KRCC1: variants seen among roughly 807,000 people sequenced by gnomAD.
KRCC1 encodes the protein lysine rich coiled-coil 1.
In KRCC1, 3 loss-of-function variants were observed where a neutral mutation model predicts 7.4. The observed-to-expected ratio is 0.40, with a 90% CI of 0.18 to 1.04. KRCC1 has a LOEUF of 1.04. Among genes scored for constraint, KRCC1 ranks in the 50% least tolerant of loss-of-function variants. The pLI is 0.33. For missense variants in KRCC1, 277 were observed against 300.9 expected, an observed-to-expected ratio of 0.92 and a Z score of 0.59; for synonymous variants, 102 against 101.6, an observed-to-expected ratio of 1.00 and a Z score of -0.02.
At chr2:88,047,064 CAT>C (rs920087811) in intron 1 of KRCC1, among the ~76,000 whole-genome samples, 44 of 152,262 alleles carry the variant, frequency 2.9e-4, no homozygotes, top group African/African-American at 6.3e-4. Context: ...ATATGAAACA[CAT>C]GACTCATAAT....
intron 1 of KRCC1, among the ~76,000 whole-genome samples, chr2:88,052,422 T>G (rs1353914828): frequency 6.6e-6 from 1 of 152,226 alleles, no homozygotes; most frequent in Non-Finnish European, 1.5e-5. Flanking sequence ...TGAAACTTCC[T>G]CAATAAATGA....
At chr2:88,041,470 C>CA (rs1457792864) in intron 1 of KRCC1, among the ~76,000 whole-genome samples, 2 of 152,202 alleles carry the variant, frequency 1.3e-5, no homozygotes, top group Non-Finnish European at 2.9e-5. Flanking sequence ...CTCTCCTTTC[C>CA]TGTTCCATTC....
chr2:88,033,332 T>C (rs975112088), intron 3 of KRCC1, among the ~76,000 whole-genome samples: 2 of 152,210 alleles, frequency 1.3e-5, no homozygotes, highest in Non-Finnish European at 2.9e-5. Context: ...GAGATCAGCC[T>C]GGCCAACATG....
At chr2:88,050,093 G>C (rs1389685392) in intron 1 of KRCC1, among the ~76,000 whole-genome samples, 1 of 152,110 alleles carries the variant, frequency 6.6e-6, no homozygotes, top group Non-Finnish European at 1.5e-5. Flanking sequence ...TATACCCTTA[G>C]TACCAAGTAT....
At chr2:88,053,082 A>G (rs1258141157) in intron 1 of KRCC1, among the ~76,000 whole-genome samples, 1 of 151,618 alleles carries the variant, frequency 6.6e-6, no homozygotes, top group African/African-American at 2.4e-5. Context: ...CAATGATGAC[A>G]ACCTAAAATA....
intron 1 of KRCC1, among the ~76,000 whole-genome samples, chr2:88,052,247 T>G (rs949944381): frequency 2.0e-5 from 3 of 152,256 alleles, no homozygotes; most frequent in African/African-American, 4.8e-5. Context: ...TAATTCACCA[T>G]GCTATGTATT....
intron 1 of KRCC1, among the ~76,000 whole-genome samples, chr2:88,037,667 C>T (rs532882045): frequency 4.1e-4 from 63 of 152,296 alleles, no homozygotes; most frequent in African/African-American, 1.5e-3. Context: ...CCTTGGCCTC[C>T]CAAAGTTCTG....
At chr2:88,042,222 G>A (rs1010302865) in intron 1 of KRCC1, among the ~76,000 whole-genome samples, 10 of 151,770 alleles carry the variant, frequency 6.6e-5, no homozygotes, top group Non-Finnish European at 1.2e-4. Context: ...CACCACACCC[G>A]GCTAATTTTT....
intron 2 of KRCC1, 148 bp downstream of exon 2, chr2:88,036,794 GT>G (rs773301618): frequency 1.4e-4 from 21 of 152,178 alleles, no homozygotes; most frequent in Non-Finnish European, 2.2e-4. Flanking sequence ...TTCCCCAAAT[GT>G]AAGTCAGGAA....
intron 1 of KRCC1, among the ~76,000 whole-genome samples, chr2:88,041,113 G>A (rs183041881): frequency 3.3e-5 from 5 of 152,268 alleles, no homozygotes; most frequent in Non-Finnish European, 5.9e-5. Flanking sequence ...GGTAGCTGTT[G>A]CAGGCAAGAG....
At chr2:88,036,262 T>G (rs1223912369) in intron 2 of KRCC1, among the ~76,000 whole-genome samples, 1 of 152,166 alleles carries the variant, frequency 6.6e-6, no homozygotes, top group Non-Finnish European at 1.5e-5. Flanking sequence ...GGAAAAGCCA[T>G]TGTAATGTAG....
rs181540757 is a variant in KRCC1 at position 88,052,321 on chromosome 2, C to T, written c.-291+3305G>A. Among the ~76,000 whole-genome samples, 18 of 152,252 alleles carry T rather than the reference C, an allele frequency of 1.2e-4. No homozygotes were observed. In the East Asian group the frequency reaches 3.3e-3, roughly 28 times the overall value. The stretch of plus-strand genomic sequence containing the variant: ...GCAGAGACTGAGAGTTCTAATTTGT[C>T]TTATGCATTTTTTGCAAATTTGACT... On this transcript the variant is annotated intron_variant, in intron 1 of 3. Coordinates refer to ENST00000347055, the MANE Select transcript of KRCC1 (RefSeq NM_016618.3).
At chr2:88,030,113 G>A (rs926487304) in intron 3 of KRCC1, among the ~76,000 whole-genome samples, 1 of 150,800 alleles carries the variant, frequency 6.6e-6, no homozygotes, top group Admixed American at 6.6e-5. Context: ...CTCCCAAAGT[G>A]CTGGGATTAC....
chr2:88,051,774 A>G (rs1673493017), intron 1 of KRCC1, among the ~76,000 whole-genome samples: 1 of 152,222 alleles, frequency 6.6e-6, no homozygotes, highest in African/African-American at 2.4e-5. Context: ...TGCTTTATGA[A>G]TTACAATTTT....
intron 3 of KRCC1, among the ~76,000 whole-genome samples, chr2:88,030,723 A>G (rs535276326): frequency 1.9e-4 from 29 of 152,324 alleles, no homozygotes; most frequent in Middle Eastern, 3.4e-3. Flanking sequence ...CACTTGAAAA[A>G]CAGTTTGGCA....
intron 1 of KRCC1, among the ~76,000 whole-genome samples, chr2:88,040,896 A>G (rs1176354314): frequency 6.6e-6 from 1 of 152,236 alleles, no homozygotes; most frequent in Admixed American, 6.5e-5. Flanking sequence ...AGAAAAAAAC[A>G]TGAGTAAAGA....
rs1054979790 is a variant in KRCC1 at position 88,034,307 on chromosome 2, A to G, written c.-181-15T>C. On this transcript the variant is annotated splice_polypyrimidine_tract_variant and intron_variant, in intron 2 of 3. Coordinates refer to ENST00000347055, the MANE Select transcript of KRCC1 (RefSeq NM_016618.3). The stretch of plus-strand genomic sequence containing the variant: ...CTCTCACTCATCTGAAACCAAACAC[A>G]ATCTTGTTACAAAGATTAAATAATT... 6.6e-5 allele frequency: 10 copies of G among 152,582 alleles called. No homozygotes were observed. The highest frequency in any genetic ancestry group is 2.2e-4 in the African/African-American group (9 of 41,458). The allele number at this position is 152,582 out of a possible 1,614,324, so 9.5% of individuals were successfully genotyped here.
At chr2:88,035,245 T>C (rs574582478) in intron 2 of KRCC1, among the ~76,000 whole-genome samples, 1 of 152,326 alleles carries the variant, frequency 6.6e-6, no homozygotes, top group African/African-American at 2.4e-5. Flanking sequence ...AATACATTTT[T>C]TTCTTCTTCC....
At chr2:88,032,336 C>G (rs1296299277) in intron 3 of KRCC1, among the ~76,000 whole-genome samples, 1 of 152,026 alleles carries the variant, frequency 6.6e-6, no homozygotes, top group African/African-American at 2.4e-5. Context: ...ATCTTTCATA[C>G]CACATTTTTA....
Sources: gnomAD v4.1 joint callset for allele counts (sites outside exome capture counted in the v4.1 genomes callset) on GRCh38, gnomAD v4.1.1 for gene constraint, MANE v1.5 for transcripts, NCBI Gene and HGNC (gene_info 2026-07-23, HGNC 2026-07-21) for gene names.